Variants in SRPK2 observed in about 807,000 individuals in gnomAD.
The protein encoded by SRPK2 is SRSF protein kinase 2, also known as SFRS protein kinase 2.
Under a neutral mutation model 90.8 loss-of-function variants are expected in SRPK2, and 21 were observed. That is an observed-to-expected ratio of 0.23 (90% CI 0.16 to 0.33). SRPK2 has a LOEUF of 0.33. SRPK2 is among the 10% of genes least tolerant of loss of function. The pLI, the probability that SRPK2 is intolerant of heterozygous loss-of-function variation, is 1.00. For synonymous variants in SRPK2, 288 were observed against 311.1 expected (o/e 0.93, Z 0.78); for missense variants, 620 against 869.0 (o/e 0.71, Z 3.60).
intron 6 of SRPK2, 145 bp from the exon 7 acceptor site, chr7:105,160,758 ATGT>A: frequency 1.8e-6 from 1 of 567,804 alleles, no homozygotes; most frequent in Non-Finnish European, 3.2e-6. Context: ...AAGTGAGAAA[ATGT>A]TGTATCTCAC....
At chr7:105,180,218 A>G (rs1318255683) in intron 3 of SRPK2, among the ~76,000 whole-genome samples, 1 of 152,212 alleles carries the variant, frequency 6.6e-6, no homozygotes, top group Admixed American at 6.5e-5. Flanking sequence ...GCACTGATGC[A>G]AAAACAAACA....
At chr7:105,206,052 G>T (rs1585173330) in intron 2 of SRPK2, 1 of 516,840 alleles carries the variant, frequency 1.9e-6, no homozygotes, top group East Asian at 5.5e-5. Context: ...TCTTGGACTG[G>T]ATAATTCATT....
rs1327941619 is a variant in SRPK2 at position 105,342,496 on chromosome 7, T to C, written c.71+46152A>G. Among the ~76,000 whole-genome samples the C allele has an allele frequency of 2.6e-5, 4 of 152,152 alleles. No homozygotes were observed. In the South Asian group the frequency reaches 8.3e-4, roughly 32 times the overall value. ...AACATCAAATATAGCCATATAAAAA[T>C]TTCCTCAAAAAGAGTTGCCTAGGCC... On this transcript the variant is annotated intron_variant, in intron 2 of 15. Coordinates refer to ENST00000393651, the MANE Select transcript of SRPK2 (RefSeq NM_182692.3).
chr7:105,378,388 C>T (rs193153038), intron 2 of SRPK2, among the ~76,000 whole-genome samples: 77 of 152,148 alleles, frequency 5.1e-4, no homozygotes, highest in African/African-American at 1.5e-3. Flanking sequence ...ACTTACGACA[C>T]AATATTTTTT....
At chr7:105,283,000 G>A (rs1807545450) in intron 2 of SRPK2, among the ~76,000 whole-genome samples, 1 of 151,874 alleles carries the variant, frequency 6.6e-6, no homozygotes, top group Non-Finnish European at 1.5e-5. Context: ...ATATACATGT[G>A]CCAAAAGAAG....
At chr7:105,160,291 ATTACATGTTGTTCCC>A (rs1241551765) in intron 7 of SRPK2, 1 of 352,846 alleles carries the variant, frequency 2.8e-6, no homozygotes, top group East Asian at 4.3e-5. Context: ...ATGCCTGACA[ATTACATGTTGTTCCC>A]TTCACAACAC....
At chr7:105,362,544 A>G (rs1481834410) in intron 2 of SRPK2, among the ~76,000 whole-genome samples, 2 of 152,034 alleles carry the variant, frequency 1.3e-5, no homozygotes, top group Non-Finnish European at 2.9e-5. Context: ...AAGTCAGGAA[A>G]CAACAGGTGC....
chr7:105,139,770 GCTA>G (rs1803430273), intron 11 of SRPK2, among the ~76,000 whole-genome samples: 1 of 152,120 alleles, frequency 6.6e-6, no homozygotes, highest in Non-Finnish European at 1.5e-5. Context: ...TTAATTCAGT[GCTA>G]CTAACAACCT....
chr7:105,353,396 G>A (rs1299205913), intron 2 of SRPK2, among the ~76,000 whole-genome samples: 2 of 152,074 alleles, frequency 1.3e-5, no homozygotes, highest in East Asian at 3.9e-4. Context: ...CTGGAATGCA[G>A]TGGTGCAATC....
intron 2 of SRPK2, chr7:105,297,472 G>T: frequency 2.0e-6 from 2 of 985,304 alleles, no homozygotes; most frequent in Non-Finnish European, 2.4e-6. Flanking sequence ...CCCTGATATG[G>T]TGGCCATCTG....
intron 2 of SRPK2, among the ~76,000 whole-genome samples, chr7:105,319,072 A>G (rs1202542411): frequency 3.9e-5 from 6 of 152,258 alleles, no homozygotes; most frequent in Admixed American, 3.9e-4. Flanking sequence ...GGTGAAAATT[A>G]AATCTGTTGC....
chr7:105,238,409 G>T (rs1361207397), intron 2 of SRPK2, among the ~76,000 whole-genome samples: 3 of 152,210 alleles, frequency 2.0e-5, no homozygotes, highest in Non-Finnish European at 4.4e-5. Context: ...AGAGGCCCAC[G>T]GCCTAGGCTC....
intron 2 of SRPK2, among the ~76,000 whole-genome samples, chr7:105,360,586 A>T (rs1762893839): frequency 6.6e-6 from 1 of 151,978 alleles, no homozygotes; most frequent in Non-Finnish European, 1.5e-5. Context: ...ATCTCTCAAC[A>T]TTTGCTTGTC....
At chr7:105,379,744 C>T (rs1326823068) in intron 2 of SRPK2, among the ~76,000 whole-genome samples, 1 of 151,992 alleles carries the variant, frequency 6.6e-6, no homozygotes, top group Non-Finnish European at 1.5e-5. Context: ...TTTGGGAAGC[C>T]GAGGCGGGCA....
At chr7:105,182,092 G>A (rs184992239) in intron 3 of SRPK2, among the ~76,000 whole-genome samples, 8 of 151,600 alleles carry the variant, frequency 5.3e-5, no homozygotes, top group Admixed American at 1.3e-4. Flanking sequence ...TTAGCCAAGC[G>A]TGGTGGCAGG....
At chr7:105,338,826 G>A (rs548411616) in intron 2 of SRPK2, among the ~76,000 whole-genome samples, 1 of 152,206 alleles carries the variant, frequency 6.6e-6, no homozygotes, top group South Asian at 2.1e-4. Flanking sequence ...GGTTATAATA[G>A]TTCTCAAATT....
At chr7:105,141,364 T>C (rs758992461) in intron 11 of SRPK2, among the ~76,000 whole-genome samples, 19 of 152,186 alleles carry the variant, frequency 1.2e-4, no homozygotes, top group Non-Finnish European at 2.8e-4. Context: ...AAACCAGCTG[T>C]GTTACCCAGT....
intron 2 of SRPK2, among the ~76,000 whole-genome samples, chr7:105,387,877 C>G (rs1243997613): frequency 6.6e-6 from 1 of 152,202 alleles, no homozygotes; most frequent in African/African-American, 2.4e-5. Flanking sequence ...AGCGGCCCCC[C>G]TGCTCGGGTG....
rs556131445 is a variant in SRPK2 at position 105,253,763 on chromosome 7, A to G, written c.72-49978T>C. 2.0e-5 allele frequency among the ~76,000 whole-genome samples: 3 copies of G among 152,354 alleles called. No individual in the cohort carries two copies. In the South Asian group the frequency reaches 6.2e-4, roughly 32 times the overall value. ...CATTTTAGAACTGTCTTAGAAGGGG[A>G]ACAAAATTAAGTAGTAATTTTATTG... is the stretch of plus-strand genomic sequence containing the variant. On this transcript the variant is annotated intron_variant, in intron 2 of 15. Transcript: ENST00000393651.
Sources: gnomAD v4.1 joint callset for allele counts (sites outside exome capture counted in the v4.1 genomes callset) on GRCh38, gnomAD v4.1.1 for gene constraint, MANE v1.5 for transcripts, NCBI Gene and HGNC (gene_info 2026-07-23, HGNC 2026-07-21) for gene names.